Variants in NAV2 observed in about 807,000 individuals in gnomAD.
NAV2 encodes helicase, APC down-regulated 1.
Under a neutral mutation model 223.2 loss-of-function variants are expected in NAV2, and 54 were observed. The ratio of observed to expected loss-of-function variants is 0.24; its 90% CI spans 0.19 to 0.30. NAV2 has a LOEUF of 0.30. Among genes scored for constraint, NAV2 ranks in the 10% least tolerant of loss-of-function variants. NAV2 has a pLI of 1.00. For missense variants in NAV2, 2,806 were observed against 3,147.5 expected, an observed-to-expected ratio of 0.89 and a Z score of 2.60; for synonymous variants, 1,279 against 1,239.3, an observed-to-expected ratio of 1.03 and a Z score of -0.67.
Position 20,056,701 on chromosome 11 carries a change from C to T in NAV2, c.4831+744C>T, listed in dbSNP as rs1164786595. Reference sequence around the variant, plus strand: ...GAAGATGGGGCTGATGGGACATTGGCGGCAATGCTCATTAACCAATGATAA... The same window carrying T: ...GAAGATGGGGCTGATGGGACATTGGTGGCAATGCTCATTAACCAATGATAA... On this transcript the variant is annotated intron_variant, in intron 19 of 37. Coordinates refer to ENST00000349880, the MANE Select transcript of NAV2 (RefSeq NM_145117.5). The T allele has an allele frequency of 2.3e-5, 22 of 953,064 alleles. No individual in the cohort carries two copies. In the Middle Eastern group the frequency reaches 6.2e-4, roughly 27 times the overall value. 59.0% of individuals were successfully genotyped at this position (953,064 alleles called of 1,614,324 possible). A position where few individuals can be genotyped will look rare whatever the true frequency, so the allele number is the denominator to read the frequency against.
At chr11:19,527,339 T>A (rs147702899) in intron 1 of NAV2, among the ~76,000 whole-genome samples, 2,225 of 152,324 alleles carry the variant, frequency 0.015, 19 homozygotes, top group Middle Eastern at 0.051. Context: ...TCCCCAGCCA[T>A]GTGGAAATGT....
chr11:19,402,253 A>G (rs1849717766), intron 1 of NAV2, among the ~76,000 whole-genome samples: 1 of 152,192 alleles, frequency 6.6e-6, no homozygotes, highest in Admixed American at 6.5e-5. Flanking sequence ...TTTGCTACTT[A>G]CTAGTGGCTT....
chr11:20,095,322 G>A (rs2061170334), intron 29 of NAV2, among the ~76,000 whole-genome samples: 1 of 152,286 alleles, frequency 6.6e-6, no homozygotes, highest in Middle Eastern at 3.4e-3. Context: ...GAAGAGGTGA[G>A]TTTATAAGCA....
At chr11:19,394,962 G>T (rs2133250059) in intron 1 of NAV2, among the ~76,000 whole-genome samples, 1 of 152,342 alleles carries the variant, frequency 6.6e-6, no homozygotes. Flanking sequence ...CAAAATGCAG[G>T]AAGTCACTGA....
intron 1 of NAV2, among the ~76,000 whole-genome samples, chr11:19,445,329 G>C (rs982006783): frequency 3.3e-5 from 5 of 152,098 alleles, no homozygotes; most frequent in African/African-American, 9.7e-5. Flanking sequence ...TGCAGGTAGA[G>C]CACTGTGCTG....
chr11:19,908,538 G>A (rs1306387283), intron 6 of NAV2, among the ~76,000 whole-genome samples: 1 of 152,226 alleles, frequency 6.6e-6, no homozygotes, highest in Admixed American at 6.5e-5. Flanking sequence ...CCTACGCTCT[G>A]TGCTGTCTAA....
chr11:19,937,094 C>G (rs540801174), intron 7 of NAV2, among the ~76,000 whole-genome samples: 2 of 152,096 alleles, frequency 1.3e-5, no homozygotes, highest in Non-Finnish European at 2.9e-5. Flanking sequence ...GCCATGATCA[C>G]GCCACTGCAC....
intron 1 of NAV2, among the ~76,000 whole-genome samples, chr11:19,532,390 A>G (rs35690055): frequency 0.082 from 12,437 of 152,110 alleles, 602 homozygotes; most frequent in East Asian, 0.17. Flanking sequence ...TCATCTCAAA[A>G]CCCAGAAAAA....
chr11:19,540,009 C>T (rs1159946393), intron 1 of NAV2, among the ~76,000 whole-genome samples: 3 of 152,214 alleles, frequency 2.0e-5, no homozygotes, highest in African/African-American at 7.2e-5. Flanking sequence ...GCCTGCTTTA[C>T]TGGAGACAAT....
rs559024427 is a variant in NAV2, at chr11:19,634,911, T to C, written c.76-197573T>C. On this transcript the variant is annotated intron_variant, in intron 1 of 37. Coordinates refer to the NAV2 transcript ENST00000360655. ...GGAAAATGTTGTAGAAGAGATAGTA[T>C]AGCTTGCAAAGACCTATTGGTTTCA... Among the ~76,000 whole-genome samples, 27 of 152,326 alleles carry C rather than the reference T, an allele frequency of 1.8e-4. No individual in the cohort carries two copies. In the South Asian group the frequency reaches 5.4e-3, roughly 30 times the overall value.
intron 1 of NAV2, among the ~76,000 whole-genome samples, chr11:19,787,990 T>G (rs1010429239): frequency 2.6e-5 from 4 of 152,154 alleles, no homozygotes; most frequent in Non-Finnish European, 5.9e-5. Context: ...ACATGTTACT[T>G]TCTCCATTCT....
intron 31 of NAV2, 92 bp downstream of exon 31, chr11:20,097,837 T>G (rs1469421313): frequency 1.7e-6 from 2 of 1,172,640 alleles, no homozygotes; most frequent in Non-Finnish European, 2.4e-6. Context: ...CAGTTTTGTT[T>G]GTGCATGTAT....
intron 8 of NAV2, among the ~76,000 whole-genome samples, chr11:19,941,110 C>T (rs1304069970): frequency 2.6e-5 from 4 of 152,170 alleles, no homozygotes; most frequent in Non-Finnish European, 5.9e-5. Flanking sequence ...GCAAAATCCA[C>T]ATTTGAAAAG....
intron 1 of NAV2, among the ~76,000 whole-genome samples, chr11:19,426,872 C>G (rs1303128562): frequency 6.6e-6 from 1 of 152,198 alleles, no homozygotes; most frequent in East Asian, 1.9e-4. Context: ...ACTTTCTCCT[C>G]TCATCAGAGG....
At chr11:19,401,739 A>G (rs1352087754) in intron 1 of NAV2, 3 of 152,232 alleles carry the variant, frequency 2.0e-5, no homozygotes, top group Non-Finnish European at 4.4e-5. Flanking sequence ...ACAAAAGCAC[A>G]CAAGATATGT....
chr11:19,984,947 A>C (rs1296523135), intron 11 of NAV2, among the ~76,000 whole-genome samples: 4 of 152,184 alleles, frequency 2.6e-5, no homozygotes, highest in Non-Finnish European at 5.9e-5. Flanking sequence ...TCCAGTTCTA[A>C]TGTTCTATAA....
intron 20 of NAV2, among the ~76,000 whole-genome samples, chr11:20,063,751 G>T (rs541548081): frequency 5.5e-4 from 83 of 152,230 alleles, no homozygotes; most frequent in African/African-American, 1.9e-3. Flanking sequence ...TTTGTTAATT[G>T]TGAATTGGAA....
At chr11:19,483,025 T>C (rs2042327935) in intron 1 of NAV2, among the ~76,000 whole-genome samples, 1 of 152,212 alleles carries the variant, frequency 6.6e-6, no homozygotes, top group South Asian at 2.1e-4. Flanking sequence ...TGTCTTAAAA[T>C]GAATACCAAT....
At chr11:20,062,677 C>A (rs1414791540) in intron 20 of NAV2, among the ~76,000 whole-genome samples, 1 of 152,188 alleles carries the variant, frequency 6.6e-6, no homozygotes, top group Non-Finnish European at 1.5e-5. Flanking sequence ...AATCCTTTGT[C>A]TGCCTCAGTT....
Sources: allele counts gnomAD v4.1 joint callset (sites outside exome capture counted in the v4.1 genomes callset), GRCh38; gene constraint gnomAD v4.1.1; transcripts MANE v1.5; gene names NCBI Gene and HGNC (gene_info 2026-07-23, HGNC 2026-07-21).